The following STK39 variants were observed in gnomAD, a reference collection of about 807,000 sequenced individuals.
The protein encoded by STK39 is STE20/SPS1-related proline-alanine-rich protein kinase.
A neutral mutation model predicts 77.8 loss-of-function variants in STK39; 20 were observed. That is an observed-to-expected ratio of 0.26 (90% CI 0.18 to 0.37). The LOEUF (loss-of-function observed/expected upper bound fraction) is 0.37. STK39 is among the 10% of genes least tolerant of loss of function. The pLI is 1.00. For missense variants in STK39, 479 were observed against 656.5 expected, an observed-to-expected ratio of 0.73 and a Z score of 2.95; for synonymous variants, 246 against 234.1, an observed-to-expected ratio of 1.05 and a Z score of -0.47.
chr2:168,189,221 A>G (rs1177390769), intron 1 of STK39, among the ~76,000 whole-genome samples: 1 of 152,246 alleles, frequency 6.6e-6, no homozygotes, highest in Admixed American at 6.5e-5. Context: ...GCCTGTTAAA[A>G]CATTTAGAGG....
chr2:168,192,153 C>T (rs1470544106), intron 1 of STK39, among the ~76,000 whole-genome samples: 2 of 152,132 alleles, frequency 1.3e-5, no homozygotes, highest in African/African-American at 2.4e-5. Context: ...CAGGATGAAG[C>T]GTGTCCCTTC....
chr2:168,207,664 T>G (rs1248191904), intron 1 of STK39, among the ~76,000 whole-genome samples: 1 of 152,210 alleles, frequency 6.6e-6, no homozygotes. Flanking sequence ...GAAAAAATTA[T>G]TTGAGATGAG....
At chr2:168,008,256 C>T (rs577064734) in intron 16 of STK39, among the ~76,000 whole-genome samples, 1 of 152,300 alleles carries the variant, frequency 6.6e-6, no homozygotes, top group South Asian at 2.1e-4. Context: ...AATACAAGAA[C>T]TCAACTGGGA....
intron 10 of STK39, among the ~76,000 whole-genome samples, chr2:168,082,793 T>C (rs1443703420): frequency 6.6e-6 from 1 of 152,238 alleles, no homozygotes; most frequent in Non-Finnish European, 1.5e-5. Flanking sequence ...CTGTTGGATA[T>C]AAACACCTTA....
intron 16 of STK39, among the ~76,000 whole-genome samples, chr2:167,966,744 C>T (rs1692169826): frequency 6.6e-6 from 1 of 152,138 alleles, no homozygotes; most frequent in Admixed American, 6.6e-5. Context: ...AATCTCACAC[C>T]TCTGGGACAT....
At chr2:168,104,655 ATTAGG>A (rs1252682088) in intron 10 of STK39, among the ~76,000 whole-genome samples, 2 of 152,176 alleles carry the variant, frequency 1.3e-5, no homozygotes, top group Non-Finnish European at 2.9e-5. Flanking sequence ...AGGGCCACTA[ATTAGG>A]GCTTCATTGT....
chr2:168,211,004 T>C (rs1438215899), intron 1 of STK39, among the ~76,000 whole-genome samples: 3 of 152,232 alleles, frequency 2.0e-5, no homozygotes, highest in African/African-American at 4.8e-5. Context: ...TGGTGAGTAG[T>C]CATTATATGG....
At chr2:167,970,467 C>A (rs1309556890) in intron 16 of STK39, among the ~76,000 whole-genome samples, 1 of 152,206 alleles carries the variant, frequency 6.6e-6, no homozygotes, top group Non-Finnish European at 1.5e-5. Flanking sequence ...TCCCCAGGCA[C>A]AAGCTCACAA....
At chr2:168,194,458 A>G (rs1157820385) in intron 1 of STK39, among the ~76,000 whole-genome samples, 1 of 152,114 alleles carries the variant, frequency 6.6e-6, no homozygotes, top group Non-Finnish European at 1.5e-5. Flanking sequence ...AAAAACAAAA[A>G]TGAAGATTCA....
At chr2:168,089,384 C>A (rs557485312) in intron 10 of STK39, among the ~76,000 whole-genome samples, 10 of 152,264 alleles carry the variant, frequency 6.6e-5, no homozygotes, top group African/African-American at 2.4e-4. Context: ...ACACAAACAA[C>A]ATGGAAGCAG....
rs370311306 is a variant in STK39 at position 168,096,807 on chromosome 2, T to C, written c.1090-21576A>G. ...AATGAGATTTGAAGTATTAATGATA[T>C]AATGTCTGAGTTAAAGATAAACTTC... On this transcript the variant is annotated intron_variant, in intron 10 of 17. Transcript: ENST00000355999. 1.2e-4 allele frequency among the ~76,000 whole-genome samples: 18 copies of C among 152,304 alleles called. No homozygotes were observed. The East Asian group carries it at 3.3e-3, about 28-fold the overall frequency.
chr2:167,985,707 C>G (rs1165503523), intron 16 of STK39, among the ~76,000 whole-genome samples: 6 of 152,094 alleles, frequency 3.9e-5, no homozygotes, highest in Non-Finnish European at 8.8e-5. Flanking sequence ...CTCAAAGACT[C>G]AACATATGCA....
chr2:168,203,316 G>C (rs755125762), intron 1 of STK39, among the ~76,000 whole-genome samples: 6 of 152,092 alleles, frequency 3.9e-5, no homozygotes, highest in Non-Finnish European at 2.9e-5. Flanking sequence ...TTAAGGTCCT[G>C]GCTAGCTCAG....
intron 1 of STK39, among the ~76,000 whole-genome samples, chr2:168,218,503 T>C (rs538443060): frequency 6.6e-6 from 1 of 152,152 alleles, no homozygotes; most frequent in Admixed American, 6.5e-5. Flanking sequence ...CTCCCACTTC[T>C]CCTAGCCAAA....
intron 14 of STK39, 132 bp downstream of exon 14, chr2:168,063,368 C>T: frequency 1.3e-6 from 1 of 758,440 alleles, no homozygotes; most frequent in African/African-American, 1.8e-5. Context: ...ATACAGCATA[C>T]ACTCATGGTT....
At chr2:167,992,881 T>C (rs1349523342) in intron 16 of STK39, among the ~76,000 whole-genome samples, 1 of 152,212 alleles carries the variant, frequency 6.6e-6, no homozygotes, top group African/African-American at 2.4e-5. Flanking sequence ...ACATATAGCA[T>C]ACATAATCCA....
Position 168,163,595 on chromosome 2 carries a change from C to A in STK39, c.572+144G>T, listed in dbSNP as rs918187241. On this transcript the variant is annotated intron_variant, in intron 4 of 17. Coordinates refer to ENST00000355999, the MANE Select transcript of STK39 (RefSeq NM_013233.3). ...CCTTAACATTCTTTACAAACTAGGG[C>A]TGAAGATATGAACATCTGAATTTAA... is the stretch of plus-strand genomic sequence containing the variant. The A allele has an allele frequency of 2.5e-6, 4 of 1,583,668 alleles. No homozygotes were observed. The African/African-American group carries it at 5.5e-5, about 22-fold the overall frequency.
In STK39 at chr2:167,955,314, G is replaced by T. The variant is rs76199438; in HGVS notation, c.*182C>A. ...AGAATAAAGCAGAACTCGGAGTGTTGTAAGTTTTAAAAAATTATTTTTTTA... is the reference window on the plus strand; with the variant it reads ...AGAATAAAGCAGAACTCGGAGTGTTTTAAGTTTTAAAAAATTATTTTTTTA... On this transcript the variant is annotated 3_prime_UTR_variant, in exon 18 of 18. Coordinates refer to ENST00000355999, the MANE Select transcript of STK39 (RefSeq NM_013233.3). 1,198 of 565,366 alleles carry T rather than the reference G, an allele frequency of 2.1e-3. 13 individuals carry two copies. Among genetic ancestry groups the T allele is most frequent in the African/African-American group, 0.02 (1,072 of 53,044 alleles). The allele number at this position is 565,366 out of a possible 1,614,324, so 35.0% of individuals were successfully genotyped here.
At chr2:168,106,814 C>T (rs893841394) in intron 10 of STK39, among the ~76,000 whole-genome samples, 1 of 152,008 alleles carries the variant, frequency 6.6e-6, no homozygotes, top group African/African-American at 2.4e-5. Flanking sequence ...AAAGTGAGAA[C>T]CTGTCTCAAA....
Sources: gnomAD v4.1 joint callset for allele counts (sites outside exome capture counted in the v4.1 genomes callset) on GRCh38, gnomAD v4.1.1 for gene constraint, MANE v1.5 for transcripts, NCBI Gene and HGNC (gene_info 2026-07-23, HGNC 2026-07-21) for gene names.